The following COL10A1 variants were observed in gnomAD, a reference collection of about 807,000 sequenced individuals.
COL10A1 encodes collagen alpha-1(X) chain.
A neutral mutation model predicts 18.2 loss-of-function variants in COL10A1; 10 were observed. The observed-to-expected ratio is 0.55, with a 90% CI of 0.34 to 0.93. The LOEUF is 0.93. Among genes scored for constraint, COL10A1 ranks in the 40% least tolerant of loss-of-function variants. The pLI is 0.02. For missense variants in COL10A1, 897 were observed against 853.5 expected (o/e 1.05, Z -0.64); for synonymous variants, 330 against 316.6 (o/e 1.04, Z -0.45).
chr6:116,161,159 G>A (rs1442331816), upstream of COL10A1, among the ~76,000 whole-genome samples: 4 of 142,108 alleles, frequency 2.8e-5, no homozygotes, highest in African/African-American at 5.3e-5. Context: ...CATGGACACA[G>A]GAAGGGGAAC....
At chr6:116,186,939 A>G in the COL10A1 span, among the ~76,000 whole-genome samples, 14 of 152,012 alleles carry the variant, frequency 9.2e-5, no homozygotes, top group Admixed American at 3.9e-4. Context: ...GGTGTTAACC[A>G]TGTTTGTCAT....
chr6:116,200,192 T>C, the COL10A1 span, among the ~76,000 whole-genome samples: 3 of 151,924 alleles, frequency 2.0e-5, no homozygotes, highest in African/African-American at 4.8e-5. Flanking sequence ...CAAATCCCAA[T>C]TGAAGGACAT....
At chr6:116,204,844 A>G in the COL10A1 span, among the ~76,000 whole-genome samples, 1 of 152,032 alleles carries the variant, frequency 6.6e-6, no homozygotes, top group Non-Finnish European at 1.5e-5. Flanking sequence ...GTAGGTGCTC[A>G]GTAATTATTT....
At chr6:116,197,390 G>T in the COL10A1 span, among the ~76,000 whole-genome samples, 1 of 151,922 alleles carries the variant, frequency 6.6e-6, no homozygotes, top group Non-Finnish European at 1.5e-5. Context: ...TTATCATCTT[G>T]TCTGATTTAA....
At chr6:116,195,775 T>C in the COL10A1 span, among the ~76,000 whole-genome samples, 1 of 152,012 alleles carries the variant, frequency 6.6e-6, no homozygotes, top group African/African-American at 2.4e-5. Flanking sequence ...CTAGTAGCAA[T>C]TAAGCAAATT....
the COL10A1 span, among the ~76,000 whole-genome samples, chr6:116,194,638 C>A: frequency 1.3e-5 from 2 of 151,964 alleles, no homozygotes; most frequent in Non-Finnish European, 1.5e-5. Flanking sequence ...AATGTGAATT[C>A]TCTTTATTTC....
upstream of COL10A1, among the ~76,000 whole-genome samples, chr6:116,161,209 G>T (rs1165919557): frequency 3.7e-5 from 4 of 108,880 alleles, no homozygotes; most frequent in Admixed American, 1.1e-4. Context: ...GGGGAGGGGG[G>T]AGGGATAGCA....
At chr6:116,171,188 A>G in the COL10A1 span, among the ~76,000 whole-genome samples, 1 of 152,144 alleles carries the variant, frequency 6.6e-6, no homozygotes, top group Non-Finnish European at 1.5e-5. Context: ...ACCCACTTAT[A>G]TTATTGTCAC....
chr6:116,147,880 G>A (rs1016904095), intron 1 of COL10A1, among the ~76,000 whole-genome samples: 1 of 151,998 alleles, frequency 6.6e-6, no homozygotes, highest in African/African-American at 2.4e-5. Context: ...CATTAAAAAG[G>A]TGGAGGCAGG....
At chr6:116,139,171 A>G (rs1014172265) in intron 1 of COL10A1, among the ~76,000 whole-genome samples, 5 of 152,168 alleles carry the variant, frequency 3.3e-5, no homozygotes, top group Non-Finnish European at 5.9e-5. Context: ...ATATTGGGGG[A>G]AAATGTTAAG....
chr6:116,176,712 T>G, the COL10A1 span, among the ~76,000 whole-genome samples: 1 of 152,178 alleles, frequency 6.6e-6, no homozygotes, highest in South Asian at 2.1e-4. Context: ...CTGCCCTTCC[T>G]CCAGCTGCTT....
chr6:116,143,106 T>A (rs1393884683), intron 1 of COL10A1, among the ~76,000 whole-genome samples: 1 of 152,200 alleles, frequency 6.6e-6, no homozygotes, highest in African/African-American at 2.4e-5. Context: ...AGAAATAATA[T>A]TAAAATGCCT....
Position 116,120,547 on chromosome 6 carries a change from C to A in COL10A1, c.1569G>T (p.Glu523Asp). Residue 523 changes from glutamate (E) to aspartate (D), a missense_variant, in exon 3 of 3, where the codon GAG becomes GAT. Coordinates refer to ENST00000651968, the MANE Select transcript of COL10A1 (RefSeq NM_000493.4). ...GCCTTTGGCCTGCCTTTATAAAACC[C>A]TCAGGCATGACTGCTTGACCTGGTG... Reference protein sequence around the residue: ...PGPPGQAVMPEGFIKAGQRPS... With the variant: ...PGPPGQAVMPDGFIKAGQRPS... The A allele has an allele frequency of 1.1e-5, 17 of 1,613,574 alleles. No homozygotes were observed. The highest frequency in any genetic ancestry group is 1.4e-5 in the Non-Finnish European group (17 of 1,179,736).
At chr6:116,187,909 G>GA in the COL10A1 span, among the ~76,000 whole-genome samples, 1 of 151,840 alleles carries the variant, frequency 6.6e-6, no homozygotes, top group Non-Finnish European at 1.5e-5. Flanking sequence ...TACTAAGAAC[G>GA]AAAGGGCAAG....
chr6:116,179,847 C>G, the COL10A1 span, among the ~76,000 whole-genome samples: 1 of 152,034 alleles, frequency 6.6e-6, no homozygotes, highest in East Asian at 1.9e-4. Context: ...ATACATAATG[C>G]TCCAAAGATT....
At chr6:116,132,276 A>G (rs2114334314) in intron 1 of COL10A1, among the ~76,000 whole-genome samples, 1 of 152,262 alleles carries the variant, frequency 6.6e-6, no homozygotes, top group African/African-American at 2.4e-5. Context: ...TCCACCTTAG[A>G]GGTGAAAATT....
the COL10A1 span, among the ~76,000 whole-genome samples, chr6:116,216,587 A>G: frequency 6.6e-6 from 1 of 152,098 alleles, no homozygotes; most frequent in South Asian, 2.1e-4. Flanking sequence ...CTTTCCAAGT[A>G]TTATGTTTAG....
rs140140740 is a variant in COL10A1, at chr6:116,156,334, C to G, written c.-16+2280G>C. ...AAAAAATTTTTTTTAGGTTGTAGAT[C>G]TCATTCAACTAGTTGTGTTTCGTTT... On this transcript the variant is annotated intron_variant, in intron 1 of 1. Transcript: ENST00000418500. Among the ~76,000 whole-genome samples the G allele has an allele frequency of 3.9e-5, 6 of 152,146 alleles. No individual in the cohort carries two copies. The East Asian group carries it at 7.7e-4, about 20-fold the overall frequency.
At position 116,120,699 on chromosome 6, in the gene COL10A1, C is replaced by T. The variant is rs754588076; in HGVS notation, c.1417G>A (p.Gly473Ser). 1.0e-5 allele frequency: 16 copies of T among 1,553,906 alleles called. No individual in the cohort carries two copies. In the South Asian group the frequency reaches 1.4e-4, roughly 13 times the overall value. The change falls in exon 3 of 3, where the codon GGT becomes AGT. Residue 473 changes from glycine (G) to serine (S), a missense_variant. Gly to Ser is a moderately conservative substitution (Grantham distance 56, BLOSUM62 0). Coordinates refer to ENST00000651968, the MANE Select transcript of COL10A1 (RefSeq NM_000493.4). ...PGSKGDPGSPGPPGPAGIATK... is the reference protein window; with the variant it reads ...PGSKGDPGSPSPPGPAGIATK... ...GCTATGCCAGCTGGGCCAGGAGGACCGGGACTTCCTGGATCCCCTTTAGAC... is the reference window on the plus strand; with the variant it reads ...GCTATGCCAGCTGGGCCAGGAGGACTGGGACTTCCTGGATCCCCTTTAGAC...
Sources: allele counts gnomAD v4.1 joint callset (sites outside exome capture counted in the v4.1 genomes callset), GRCh38; gene constraint gnomAD v4.1.1; transcripts MANE v1.5; gene names NCBI Gene and HGNC (gene_info 2026-07-23, HGNC 2026-07-21).